COPB2: variants seen among roughly 807,000 people sequenced by gnomAD.
The protein encoded by COPB2 is coatomer subunit beta'.
COPB2 carries 16 observed loss-of-function variants against 120.8 expected under a neutral mutation model. The ratio of observed to expected loss-of-function variants is 0.13; its 90% confidence interval spans 0.09 to 0.20. The LOEUF (loss-of-function observed/expected upper bound fraction) is 0.20, where lower values mean the gene tolerates loss of function less well. Ranked by LOEUF, COPB2 falls within the 10% of genes least tolerant of loss-of-function variation. The probability of loss-of-function intolerance (pLI) is 1.00; values close to 1 mark genes in which losing one functional copy is unlikely to be tolerated. For synonymous variants in COPB2, 332 were observed against 366.3 expected, an observed-to-expected ratio of 0.91 and a Z score of 1.07; for missense variants, 794 against 1,076.5, an observed-to-expected ratio of 0.74 and a Z score of 3.67.
At chr3:139,358,685 G>GAAAA in intron 20 of COPB2, 59 bp downstream of exon 20, 5 of 1,046,846 alleles carry the variant, frequency 4.8e-6, no homozygotes, top group Admixed American at 4.0e-5. Context: ...TGTCTCAAAA[G>GAAAA]AAAAAAAAAA....
intron 2 of COPB2, 127 bp downstream of exon 2, chr3:139,383,171 T>A (rs1284191312): frequency 1.8e-6 from 2 of 1,088,182 alleles, no homozygotes; most frequent in South Asian, 2.7e-5. Context: ...TTTAAAATAC[T>A]TTGTACCAAC....
intron 10 of COPB2, among the ~76,000 whole-genome samples, chr3:139,370,096 G>C (rs532116412): frequency 1.3e-5 from 2 of 152,178 alleles, no homozygotes; most frequent in South Asian, 4.2e-4. Flanking sequence ...GGAGACAAGG[G>C]GATTTTGCGG....
At chr3:139,377,596 G>C (rs1277360744) in intron 5 of COPB2, among the ~76,000 whole-genome samples, 2 of 152,176 alleles carry the variant, frequency 1.3e-5, no homozygotes, top group African/African-American at 4.8e-5. Flanking sequence ...TTTATCCTTA[G>C]ATCAGGAACT....
At chr3:139,363,498 C>T (rs969330457) in intron 15 of COPB2, among the ~76,000 whole-genome samples, 2 of 152,200 alleles carry the variant, frequency 1.3e-5, no homozygotes, top group African/African-American at 4.8e-5. Context: ...TGTCTATCTG[C>T]CACGAAACTG....
chr3:139,360,686 C>G (rs1560012482), intron 17 of COPB2, among the ~76,000 whole-genome samples: 1 of 152,136 alleles, frequency 6.6e-6, no homozygotes, highest in Non-Finnish European at 1.5e-5. Flanking sequence ...ATACTTATCC[C>G]CTTTTGTTCT....
chr3:139,366,907 C>T (rs758276143), intron 14 of COPB2, 108 bp downstream of exon 14: 50 of 1,490,688 alleles, frequency 3.4e-5, no homozygotes, highest in Non-Finnish European at 4.3e-5. Context: ...AGGCAACCTA[C>T]TAAAACTATA....
chr3:139,379,482 A>G lies in COPB2; in HGVS notation c.142-16T>C. 6.2e-7 allele frequency: 1 copy of G among 1,601,486 alleles called. No homozygotes were observed. Among genetic ancestry groups the G allele is most frequent in the Non-Finnish European group, 8.5e-7 (1 of 1,170,380 alleles). ...TCACCAGTGTCTTTAAAATGTAACAAGAATACACAAATTGAGCTATAAGAA... is the reference window on the plus strand; with the variant it reads ...TCACCAGTGTCTTTAAAATGTAACAGGAATACACAAATTGAGCTATAAGAA... On this transcript the variant is annotated splice_polypyrimidine_tract_variant and intron_variant, in intron 2 of 21. Transcript: ENST00000333188.
Position 139,373,705 on chromosome 3 carries a change from A to G in COPB2, c.855T>C (p.Asn285=). The G allele has an allele frequency of 1.9e-6, 3 of 1,614,126 alleles. No homozygotes were observed. Among genetic ancestry groups the G allele is most frequent in the Non-Finnish European group, 1.7e-6 (2 of 1,180,000 alleles). The change falls in exon 8 of 22, where the codon AAT becomes AAC. Residue 285 remains asparagine (N), a synonymous_variant. Coordinates refer to ENST00000333188, the MANE Select transcript of COPB2 (RefSeq NM_004766.3). ...TCCCTTCATCATAGCCCAAAGCGAC[A>G]TTGTTTGACCCTCTTAGACTGGCCA... ...WCVASLRGSN[N]VALGYDEGSI...
chr3:139,361,305 AAG>A lies in COPB2; in HGVS notation c.1996-12_1996-11del. 6.2e-7 allele frequency: 1 copy of A among 1,605,934 alleles called. No individual in the cohort carries two copies. The highest frequency in any genetic ancestry group is 2.2e-5 in the East Asian group (1 of 44,742). On this transcript the variant is annotated splice_polypyrimidine_tract_variant and intron_variant, in intron 16 of 21. Transcript: ENST00000333188. ...TCCACTTCTGTTCTGACTGTAAGAA[AAG>A]AGTTTCCAAGTTAAAATATCTTTAG...
At chr3:139,380,232 G>A (rs1489972549) in intron 2 of COPB2, 1 of 151,804 alleles carries the variant, frequency 6.6e-6, no homozygotes, top group Non-Finnish European at 1.5e-5. Flanking sequence ...GGGTAGTCTC[G>A]AACTCCTGGC....
intron 16 of COPB2, among the ~76,000 whole-genome samples, chr3:139,361,854 T>C (rs1262360451): frequency 6.6e-6 from 1 of 152,154 alleles, no homozygotes; most frequent in Non-Finnish European, 1.5e-5. Flanking sequence ...ATTACAAAAA[T>C]GGTATTAACA....
Position 139,378,028 on chromosome 3 carries a change from G to C in COPB2, c.504+13C>G. The C allele has an allele frequency of 6.6e-7, 1 of 1,511,250 alleles. No homozygotes were observed. The highest frequency in any genetic ancestry group is 1.3e-5 in the South Asian group (1 of 75,212). 93.6% of individuals were successfully genotyped at this position (1,511,250 alleles called of 1,614,324 possible). ...CTAATAATGATAACTGACACAAAATGTGGATGCCCTACCTTGATAGTCCTG... is the reference window on the plus strand; with the variant it reads ...CTAATAATGATAACTGACACAAAATCTGGATGCCCTACCTTGATAGTCCTG... On this transcript the variant is annotated intron_variant, in intron 5 of 21. Coordinates refer to ENST00000333188, the MANE Select transcript of COPB2 (RefSeq NM_004766.3).
At chr3:139,379,265 C>T in intron 3 of COPB2, 92 bp from the exon 4 acceptor site, 1 of 1,554,398 alleles carries the variant, frequency 6.4e-7, no homozygotes, top group East Asian at 2.3e-5. Flanking sequence ...AAGTCTATGC[C>T]TCAAAACATT....
At position 139,389,643 on chromosome 3, in the gene COPB2, T is replaced by A. The variant is rs900036561; in HGVS notation, c.-93A>T. 10 of 1,333,520 alleles carry A rather than the reference T, an allele frequency of 7.5e-6. No individual in the cohort carries two copies. The highest frequency in any genetic ancestry group is 9.2e-6 in the Non-Finnish European group (9 of 974,328). 82.6% of individuals were successfully genotyped at this position (1,333,520 alleles called of 1,614,324 possible). A position where few individuals can be genotyped will look rare whatever the true frequency, so the allele number is the denominator to read the frequency against. ...CCGATCCACTGACCGTCAGACTGACTGACGTGGAACTTCCGGGAGCCGATT... is the reference window on the plus strand; with the variant it reads ...CCGATCCACTGACCGTCAGACTGACAGACGTGGAACTTCCGGGAGCCGATT... On this transcript the variant is annotated 5_prime_UTR_variant, in exon 1 of 22. Transcript: ENST00000333188.
Position 139,358,724 on chromosome 3 carries a change from A to T in COPB2, c.2553+20T>A, listed in dbSNP as rs1479149219. On this transcript the variant is annotated intron_variant, in intron 20 of 21. Transcript: ENST00000333188. ...GTGAACCATCTCAGCCAAATTTATC[A>T]CATGAAGTGCTCTACTGACCTGTTG... 1 of 1,567,494 alleles carries T rather than the reference A, an allele frequency of 6.4e-7. No homozygotes were observed. Among genetic ancestry groups the T allele is most frequent in the African/African-American group, 1.4e-5 (1 of 73,534 alleles).
In COPB2 at chr3:139,375,606, CT is replaced by C; in HGVS notation, c.512del (p.Gln171ArgfsTer18). 6.2e-7 allele frequency: 1 copy of C among 1,613,874 alleles called. No homozygotes were observed. The highest frequency in any genetic ancestry group is 8.5e-7 in the Non-Finnish European group (1 of 1,179,830). Reference sequence around the variant, plus strand: ...TGAAGTTTGGTGACGAAGAGCCCAACTGCCACACCTGCAGAGAGAAACAGCA... The same window carrying C: ...TGAAGTTTGGTGACGAAGAGCCCAACGCCACACCTGCAGAGAGAAACAGCA... ...ASLDRTIKVWQLGSSSPNFTL... is the reference protein window; with the variant it reads ...ASLDRTIKVWXLGSSSPNFTL... On this transcript the variant is annotated frameshift_variant, in exon 6 of 22. Transcript: ENST00000333188. LOFTEE classifies it high-confidence loss of function.
intron 1 of COPB2, among the ~76,000 whole-genome samples, chr3:139,386,812 T>C (rs1001098453): frequency 6.6e-6 from 1 of 152,020 alleles, no homozygotes; most frequent in South Asian, 2.1e-4. Context: ...TATTGATTAT[T>C]GAGTAAAAGT....
rs774894478 is a variant in COPB2 at position 139,369,483 on chromosome 3, A to G, written c.1267T>C (p.Ser423Pro). Residue 423 changes from serine to proline, a missense_variant, in exon 11 of 22, where the codon TCA (serine) becomes CCA (proline). By Grantham distance (74) the Ser-to-Pro change is moderately conservative. Around this residue, in one of 3 missense-constraint regions of COPB2, gnomAD observed 610 missense variants for 866.7 expected, o/e 0.70. Transcript: ENST00000333188. The stretch of plus-strand genomic sequence containing the variant: ...TCTGCTCCAAAATCTGGTTTAAATG[A>G]TTTTTTTTCCTTAAAGTTCTTAAAT... Reference protein sequence around the residue: ...KIFKNFKEKKSFKPDFGAESI... With the variant: ...KIFKNFKEKKPFKPDFGAESI... 6.2e-7 allele frequency: 1 copy of G among 1,611,838 alleles called. No individual in the cohort carries two copies. The highest frequency in any genetic ancestry group is 8.5e-7 in the Non-Finnish European group (1 of 1,178,872).
At position 139,378,147 on chromosome 3, in the gene COPB2, G is replaced by C. The variant is rs201752620; in HGVS notation, c.398C>G (p.Ser133Cys). 8.2e-6 allele frequency: 13 copies of C among 1,583,278 alleles called. No homozygotes were observed. Among genetic ancestry groups the C allele is most frequent in the Non-Finnish European group, 1.0e-5 (12 of 1,157,470 alleles). ...IKLWDWDKKW[S>C]CSQVFEGHTH... is the part of the protein sequence containing the mutation. ...GTGTCCTTCAAACACTTGTGAGCAA[G>C]ACCATTTTTTATCCCAGTCCCAGAG... The change falls in exon 5 of 22, where the codon TCT (serine) becomes TGT (cysteine). Residue 133 changes from serine (S) to cysteine (C), a missense_variant. Coordinates refer to ENST00000333188, the MANE Select transcript of COPB2 (RefSeq NM_004766.3).
Sources: allele counts gnomAD v4.1 joint callset (sites outside exome capture counted in the v4.1 genomes callset), GRCh38; gene constraint gnomAD v4.1.1; regional missense constraint gnomAD v4.1.1; transcripts MANE v1.5; gene names NCBI Gene and HGNC (gene_info 2026-07-23, HGNC 2026-07-21).